Variants in MAML3 observed in about 807,000 individuals in gnomAD.
MAML3 encodes the protein mastermind-like protein 3.
In MAML3, 27 loss-of-function variants were observed where a neutral mutation model predicts 101.9. The ratio of observed to expected loss-of-function variants is 0.27; its 90% CI spans 0.20 to 0.37. The LOEUF is 0.37. Among genes scored for constraint, MAML3 ranks in the 10% least tolerant of loss-of-function variants. MAML3 has a pLI of 1.00. For missense variants in MAML3, 1,316 were observed against 1,444.9 expected (o/e 0.91, Z 1.45); for synonymous variants, 501 against 555.9 (o/e 0.90, Z 1.39).
intron 1 of MAML3, among the ~76,000 whole-genome samples, chr4:139,999,486 G>A (rs1328962686): frequency 5.9e-5 from 9 of 152,136 alleles, no homozygotes; most frequent in East Asian, 3.8e-4. Context: ...CCCGATTGTC[G>A]TATGCCTTAT....
intron 1 of MAML3, among the ~76,000 whole-genome samples, chr4:139,970,135 A>C (rs1734209613): frequency 6.6e-6 from 1 of 152,224 alleles, no homozygotes. Context: ...AATCAAAGCA[A>C]AGTACAACTA....
At chr4:139,849,526 T>A (rs1731511834) in intron 2 of MAML3, among the ~76,000 whole-genome samples, 1 of 152,172 alleles carries the variant, frequency 6.6e-6, no homozygotes, top group Non-Finnish European at 1.5e-5. Context: ...GCTCCCCAGT[T>A]AAGAGGTTAT....
Position 139,890,475 on chromosome 4 carries a change from G to A in MAML3, c.961C>T (p.Pro321Ser). 1 of 1,613,816 alleles carries A rather than the reference G, an allele frequency of 6.2e-7. No individual in the cohort carries two copies. The highest frequency in any genetic ancestry group is 8.5e-7 in the Non-Finnish European group (1 of 1,179,760). ...AACAGGTCCTGTATGTCATCCTCAG[G>A]AACCGTGTTGGCCAATTCATCTATT... ...ELIDELANTV[P>S]EDDIQDLFNE... Residue 321 changes from proline (P) to serine (S), a missense_variant, in exon 2 of 5, where the codon CCT becomes TCT. Transcript: ENST00000509479. This position sits in a 1 kb window ranked among gnomAD's most constrained non-coding sequence, Gnocchi z 4.1.
intron 1 of MAML3, among the ~76,000 whole-genome samples, chr4:139,939,295 T>A (rs1733558396): frequency 6.6e-6 from 1 of 152,222 alleles, no homozygotes; most frequent in Non-Finnish European, 1.5e-5. Context: ...GCATCAGAAT[T>A]ATCATTCTAG....
At chr4:139,930,125 A>C (rs1409589126) in intron 1 of MAML3, among the ~76,000 whole-genome samples, 1 of 152,228 alleles carries the variant, frequency 6.6e-6, no homozygotes, top group African/African-American at 2.4e-5. Flanking sequence ...ATTCCCACAG[A>C]ATTATAGATA....
At chr4:139,917,510 A>T (rs1206880594) in intron 1 of MAML3, among the ~76,000 whole-genome samples, 1 of 152,104 alleles carries the variant, frequency 6.6e-6, no homozygotes, top group Non-Finnish European at 1.5e-5. Flanking sequence ...GAAAGAGGAG[A>T]GTTGAGGAGG....
chr4:140,099,558 T>C (rs771097370), intron 1 of MAML3, among the ~76,000 whole-genome samples: 5 of 152,192 alleles, frequency 3.3e-5, no homozygotes, highest in Non-Finnish European at 7.4e-5. Context: ...TGGGAAATCA[T>C]AGACAGTTTG....
At chr4:140,037,276 C>G (rs980684102) in intron 1 of MAML3, among the ~76,000 whole-genome samples, 3 of 144,346 alleles carry the variant, frequency 2.1e-5, no homozygotes, top group Admixed American at 6.9e-5. Context: ...AGCAACAAAA[C>G]AAAAAACAAA....
chr4:139,868,211 C>A (rs1428793473), intron 2 of MAML3, among the ~76,000 whole-genome samples: 2 of 152,084 alleles, frequency 1.3e-5, no homozygotes, highest in Non-Finnish European at 2.9e-5. Context: ...GGTGACTGTG[C>A]AATCAACTGT....
At chr4:139,982,123 T>C (rs1291283714) in intron 1 of MAML3, among the ~76,000 whole-genome samples, 3 of 152,254 alleles carry the variant, frequency 2.0e-5, no homozygotes, top group African/African-American at 7.2e-5. Context: ...TTGAAATTCT[T>C]CTGTGTGATA....
chr4:139,943,864 CTT>C (rs10644498), intron 1 of MAML3, among the ~76,000 whole-genome samples: 22 of 65,862 alleles, frequency 3.3e-4, no homozygotes, highest in South Asian at 1.1e-3. Context: ...CTAAAGACAA[CTT>C]TTTTTTTTTT....
chr4:140,101,169 A>G (rs1728246828), intron 1 of MAML3, among the ~76,000 whole-genome samples: 1 of 152,206 alleles, frequency 6.6e-6, no homozygotes, highest in Non-Finnish European at 1.5e-5. Context: ...CCCTGCTTGA[A>G]CAAAATCACA....
At chr4:140,062,873 C>T (rs1487390422) in intron 1 of MAML3, among the ~76,000 whole-genome samples, 1 of 152,204 alleles carries the variant, frequency 6.6e-6, no homozygotes, top group Non-Finnish European at 1.5e-5. Context: ...GTCTACTCAT[C>T]AGGAGAAGAG....
chr4:139,900,972 C>G (rs1732707950), intron 1 of MAML3, among the ~76,000 whole-genome samples: 1 of 152,194 alleles, frequency 6.6e-6, no homozygotes, highest in Non-Finnish European at 1.5e-5. Flanking sequence ...CAGCACAGCC[C>G]TACTCAGTTA....
intron 1 of MAML3, among the ~76,000 whole-genome samples, chr4:140,042,144 C>T (rs184205037): frequency 7.9e-5 from 12 of 152,228 alleles, no homozygotes; most frequent in Admixed American, 2.6e-4. Context: ...CCCAAGTATC[C>T]GACTCCCAAC....
intron 1 of MAML3, among the ~76,000 whole-genome samples, chr4:139,934,022 T>A (rs1057458328): frequency 2.0e-5 from 3 of 152,160 alleles, no homozygotes; most frequent in African/African-American, 7.2e-5. Flanking sequence ...TGAGTGTATA[T>A]GAATGTGTGT....
intron 1 of MAML3, among the ~76,000 whole-genome samples, chr4:139,892,362 C>G (rs1402475514): frequency 2.0e-5 from 3 of 152,144 alleles, no homozygotes; most frequent in Non-Finnish European, 2.9e-5. Flanking sequence ...AAACCTCCCA[C>G]GTCAGCAATC....
At chr4:139,885,954 A>AAAAAAAAAAAAAAAAAC (rs1732328752) in intron 2 of MAML3, among the ~76,000 whole-genome samples, 2 of 143,086 alleles carry the variant, frequency 1.4e-5, no homozygotes, top group Non-Finnish European at 3.1e-5. Context: ...AAAAAAAAAA[A>AAAAAAAAAAAAAAAAAC]AAAGAAAGAG....
rs1241713682 is a variant in MAML3, at chr4:139,716,859, T to C, written c.*2464A>G. 2 of 152,584 alleles carry C rather than the reference T, an allele frequency of 1.3e-5. No individual in the cohort carries two copies. Among genetic ancestry groups the C allele is most frequent in the African/African-American group, 4.8e-5 (2 of 41,450 alleles). The allele number at this position is 152,584 out of a possible 1,614,324, so 9.5% of individuals were successfully genotyped here. A position where few individuals can be genotyped will look rare whatever the true frequency, so the allele number is the denominator to read the frequency against. ...GTTCTGTACATTTCTTAAAAGGAAA[T>C]AAGCAATGCTCAATGTACAAAGTAA... On this transcript the variant is annotated 3_prime_UTR_variant, in exon 5 of 5. Transcript: ENST00000509479.
Sources: allele counts gnomAD v4.1 joint callset (sites outside exome capture counted in the v4.1 genomes callset), GRCh38; gene constraint gnomAD v4.1.1; non-coding constraint Gnocchi (gnomAD v3.1); transcripts MANE v1.5; gene names NCBI Gene and HGNC (gene_info 2026-07-23, HGNC 2026-07-21).